The following CAPS2 variants were observed in gnomAD, a reference collection of about 807,000 sequenced individuals.
CAPS2 encodes the protein calcyphosine 2, also known as calcyphosin-2.
A neutral mutation model predicts 86.5 loss-of-function variants in CAPS2; 98 were observed. The observed-to-expected ratio is 1.13, with a 90% confidence interval of 0.96 to 1.34. The LOEUF (loss-of-function observed/expected upper bound fraction) is 1.34. Ranked by LOEUF, CAPS2 falls within the 40% of genes most tolerant of loss-of-function variation. The pLI is 0.00. For synonymous variants in CAPS2, 210 were observed against 225.1 expected, an observed-to-expected ratio of 0.93 and a Z score of 0.60; for missense variants, 729 against 686.8, an observed-to-expected ratio of 1.06 and a Z score of -0.69.
At chr12:75,357,796 T>C (rs1020779795) in intron 1 of CAPS2, among the ~76,000 whole-genome samples, 46 of 151,514 alleles carry the variant, frequency 3.0e-4, no homozygotes, top group Admixed American at 2.6e-3. Context: ...AGTTAGAAAG[T>C]ATGCTGAACT....
intron 13 of CAPS2, among the ~76,000 whole-genome samples, chr12:75,290,923 C>CA (rs758536064): frequency 0.014 from 664 of 46,832 alleles, 3 homozygotes; most frequent in Middle Eastern, 0.037. Flanking sequence ...GGCTCTCTCT[C>CA]AAAAAAAAAA....
At chr12:75,347,660 T>A (rs1423723525) in intron 1 of CAPS2, 1 of 1,610,076 alleles carries the variant, frequency 6.2e-7, no homozygotes, top group African/African-American at 1.3e-5. Context: ...GTTGTGCAGT[T>A]GCAATGTGTC....
At chr12:75,300,505 G>A (rs2037656686) in intron 8 of CAPS2, among the ~76,000 whole-genome samples, 1 of 134,546 alleles carries the variant, frequency 7.4e-6, no homozygotes, top group African/African-American at 2.8e-5. Flanking sequence ...GCAGTGAGCC[G>A]AGATCGCGCC....
intron 1 of CAPS2, among the ~76,000 whole-genome samples, chr12:75,368,001 A>C (rs1199128467): frequency 6.6e-6 from 1 of 151,974 alleles, no homozygotes; most frequent in Non-Finnish European, 1.5e-5. Context: ...AATTTGAATA[A>C]ATGTTAACTT....
At chr12:75,323,132 ATT>A in intron 3 of CAPS2, 43 bp downstream of exon 4, 1 of 1,491,754 alleles carries the variant, frequency 6.7e-7, no homozygotes, top group South Asian at 1.2e-5. Flanking sequence ...TATGTGTAAT[ATT>A]GTGTTTTAAT....
At chr12:75,340,835 C>T (rs1361877936) in intron 1 of CAPS2, among the ~76,000 whole-genome samples, 1 of 151,262 alleles carries the variant, frequency 6.6e-6, no homozygotes, top group East Asian at 1.9e-4. Flanking sequence ...ACATGCTAAA[C>T]ATCATTAGCC....
In CAPS2 at chr12:75,312,349, C is replaced by T. The variant is rs559581845; in HGVS notation, c.659+499G>A. 1.6e-4 allele frequency among the ~76,000 whole-genome samples: 24 copies of T among 152,266 alleles called. No individual in the cohort carries two copies. In the South Asian group the frequency reaches 5.0e-3, roughly 32 times the overall value. On this transcript the variant is annotated intron_variant, in intron 7 of 16. Coordinates refer to ENST00000393284, the Ensembl canonical transcript of CAPS2. ...GTAGTTCACAGTTTCAACAAGACAG[C>T]ACACTATACTCCTTCAATGATGTTA...
At chr12:75,286,052 T>TTAC (rs2034816591) in intron 14 of CAPS2, among the ~76,000 whole-genome samples, 1 of 152,020 alleles carries the variant, frequency 6.6e-6, no homozygotes, top group South Asian at 2.1e-4. Flanking sequence ...ACAGCATCAT[T>TTAC]TTCTCAAACT....
At chr12:75,369,490 G>A (rs577181048) in intron 1 of CAPS2, 1 of 970,630 alleles carries the variant, frequency 1.0e-6, no homozygotes, top group South Asian at 4.8e-5. Context: ...ATTTCCTAAT[G>A]AAGTGCTGGA....
At position 75,299,925 on chromosome 12, in the gene CAPS2, C is replaced by G; in HGVS notation, c.780-14G>C. 1.7e-6 allele frequency: 2 copies of G among 1,165,302 alleles called. No individual in the cohort carries two copies. The highest frequency in any genetic ancestry group is 2.4e-6 in the Non-Finnish European group (2 of 840,618). The allele number at this position is 1,165,302 out of a possible 1,614,324, so 72.2% of individuals were successfully genotyped here. On this transcript the variant is annotated splice_polypyrimidine_tract_variant and intron_variant, in intron 8 of 16. Transcript: ENST00000393284. ...TGAGTTCTTATCCTGTTAAGAAATA[C>G]ATTTTGTCAGTAATTTTTCAAGATA... is the stretch of plus-strand genomic sequence containing the variant.
intron 16 of CAPS2, 134 bp from the exon 17 acceptor site, chr12:75,279,199 T>G: frequency 1.2e-6 from 1 of 808,100 alleles, no homozygotes; most frequent in Non-Finnish European, 1.9e-6. Context: ...TACCAGCCAA[T>G]TTATTTACAC....
At chr12:75,308,274 A>T (rs2038741312) in intron 7 of CAPS2, among the ~76,000 whole-genome samples, 1 of 152,208 alleles carries the variant, frequency 6.6e-6, no homozygotes, top group Non-Finnish European at 1.5e-5. Context: ...TCATTTACAT[A>T]GACAAAGTAG....
chr12:75,276,597 C>T (rs1023479579), downstream of CAPS2: 40 of 962,628 alleles, frequency 4.2e-5, no homozygotes, highest in South Asian at 9.6e-5. Context: ...ATGTCCTTTC[C>T]ATTAAAAGTT....
chr12:75,301,106 A>G (rs11836613), intron 8 of CAPS2, among the ~76,000 whole-genome samples: 200 of 152,284 alleles, frequency 1.3e-3, no homozygotes, highest in African/African-American at 3.9e-3. Context: ...CAAAACCAAA[A>G]CACCCTACTG....
chr12:75,344,074 A>T, intron 1 of CAPS2: 2 of 621,036 alleles, frequency 3.2e-6, no homozygotes, highest in Non-Finnish European at 2.7e-6. Context: ...GGTCTTGAGC[A>T]ATTTAATAAT....
At chr12:75,330,905 C>T (rs1250136039), upstream of CAPS2, among the ~76,000 whole-genome samples, 9 of 152,072 alleles carry the variant, frequency 5.9e-5, no homozygotes, top group South Asian at 8.3e-4. Context: ...CTGCCCCAGC[C>T]TCCCAAGTAG....
At chr12:75,333,729 T>C (rs1409941390), upstream of CAPS2, 2 of 152,220 alleles carry the variant, frequency 1.3e-5, no homozygotes, top group African/African-American at 4.8e-5. Flanking sequence ...AGGTTGACTA[T>C]GGCGGATCAT....
intron 1 of CAPS2, among the ~76,000 whole-genome samples, chr12:75,358,020 TA>T (rs2043267302): frequency 6.8e-6 from 1 of 146,660 alleles, no homozygotes; most frequent in South Asian, 2.1e-4. Flanking sequence ...ATAAATAAAA[TA>T]ACAAACAGAA....
chr12:75,377,226 A>G (rs1461640857), intron 1 of CAPS2, among the ~76,000 whole-genome samples: 1 of 152,164 alleles, frequency 6.6e-6, no homozygotes, highest in Non-Finnish European at 1.5e-5. Flanking sequence ...AAAACCAACT[A>G]AAGAAATCCA....
Sources: allele counts gnomAD v4.1 joint callset (sites outside exome capture counted in the v4.1 genomes callset), GRCh38; gene constraint gnomAD v4.1.1; transcripts MANE v1.5; gene names NCBI Gene and HGNC (gene_info 2026-07-23, HGNC 2026-07-21).